DLG2: variants seen among roughly 807,000 people sequenced by gnomAD.
DLG2 encodes disks large homolog 2.
Under a neutral mutation model 132.5 loss-of-function variants are expected in DLG2, and 45 were observed. That is an observed-to-expected ratio of 0.34 (90% CI 0.27 to 0.44). DLG2 has a LOEUF of 0.44. Among genes scored for constraint, DLG2 ranks in the 20% least tolerant of loss-of-function variants. The pLI is 1.00. For missense variants in DLG2, 1,045 were observed against 1,196.9 expected (o/e 0.87, Z 1.87); for synonymous variants, 424 against 419.6 (o/e 1.01, Z -0.13).
chr11:84,113,546 T>C (rs2093471399), intron 9 of DLG2, among the ~76,000 whole-genome samples: 1 of 152,192 alleles, frequency 6.6e-6, no homozygotes, highest in African/African-American at 2.4e-5. Flanking sequence ...ACATTAGAAT[T>C]TGGAAACTTT....
intron 3 of DLG2, among the ~76,000 whole-genome samples, chr11:85,501,298 C>T (rs2093796944): frequency 6.6e-6 from 1 of 152,150 alleles, no homozygotes; most frequent in African/African-American, 2.4e-5. Flanking sequence ...AAACATAAGA[C>T]CTAGGACCAT....
intron 7 of DLG2, among the ~76,000 whole-genome samples, chr11:84,363,036 G>A (rs1254492549): frequency 6.6e-6 from 1 of 150,688 alleles, no homozygotes; most frequent in Non-Finnish European, 1.5e-5. Flanking sequence ...GTAATGGGAT[G>A]GCTGGGTCAA....
chr11:84,081,766 C>T (rs530914611), intron 10 of DLG2, among the ~76,000 whole-genome samples: 2 of 152,282 alleles, frequency 1.3e-5, no homozygotes, highest in Non-Finnish European at 2.9e-5. Context: ...GTGAATAGTG[C>T]CGCAATAAAC....
rs1162562595 is a variant in DLG2 at position 85,561,331 on chromosome 11, CAAAAAAAAAAAAAAAAA to C, written c.40+37309_40+37325del. ...TAGGTGACAGAGCAAGACCCTATCT[CAAAAAAAAAAAAAAAAA>C]AAAAAAAAAAAAAAAAAAAATAGCT... On this transcript the variant is annotated intron_variant, in intron 3 of 27. Coordinates refer to ENST00000376104, the MANE Select transcript of DLG2 (RefSeq NM_001142699.3). Among the ~76,000 whole-genome samples the C allele has an allele frequency of 2.5e-3, 31 of 12,514 alleles. 1 individual carries two copies. In the East Asian group the frequency reaches 0.025, roughly 10 times the overall value. 8.2% of individuals were successfully genotyped at this position (12,514 alleles called of 152,430 possible).
At chr11:84,000,446 T>A (rs867301326) in intron 11 of DLG2, among the ~76,000 whole-genome samples, 1 of 151,886 alleles carries the variant, frequency 6.6e-6, no homozygotes. Context: ...TTAGAAAAAC[T>A]ATTTAACATA....
intron 3 of DLG2, among the ~76,000 whole-genome samples, chr11:85,348,905 TAACATGC>T (rs1159922045): frequency 6.6e-6 from 1 of 152,174 alleles, no homozygotes; most frequent in Non-Finnish European, 1.5e-5. Flanking sequence ...GTATTCTTTC[TAACATGC>T]AAATTTGATT....
chr11:83,675,778 C>A (rs558090362), intron 18 of DLG2, among the ~76,000 whole-genome samples: 1 of 152,274 alleles, frequency 6.6e-6, no homozygotes, highest in South Asian at 2.1e-4. Flanking sequence ...ACGAGTTGAA[C>A]AATTACTTCA....
chr11:84,903,014 A>G (rs895375325), intron 6 of DLG2, among the ~76,000 whole-genome samples: 1 of 151,270 alleles, frequency 6.6e-6, no homozygotes, highest in Admixed American at 6.6e-5. Flanking sequence ...CTGAAGCATT[A>G]CAATAGCTTC....
chr11:83,462,641 G>A (rs947079966), intron 26 of DLG2, among the ~76,000 whole-genome samples: 4 of 152,026 alleles, frequency 2.6e-5, no homozygotes, highest in African/African-American at 9.7e-5. Flanking sequence ...CTGGTTAAGG[G>A]GTATAAAATG....
chr11:84,646,220 A>T (rs1353477355), intron 6 of DLG2, among the ~76,000 whole-genome samples: 1 of 152,228 alleles, frequency 6.6e-6, no homozygotes, highest in Non-Finnish European at 1.5e-5. Context: ...GATGGAAGAA[A>T]ATAATCCCTT....
intron 6 of DLG2, among the ~76,000 whole-genome samples, chr11:84,946,961 T>A (rs1250811792): frequency 6.6e-6 from 1 of 152,138 alleles, no homozygotes; most frequent in African/African-American, 2.4e-5. Context: ...TGCCAGCCAA[T>A]TTTTGCTCTG....
chr11:84,399,020 T>C (rs1417782339), intron 7 of DLG2, among the ~76,000 whole-genome samples: 1 of 152,172 alleles, frequency 6.6e-6, no homozygotes, highest in African/African-American at 2.4e-5. Flanking sequence ...ATAGTATATA[T>C]AAGAAAATTT....
At chr11:85,372,409 A>G (rs1477464097) in intron 3 of DLG2, among the ~76,000 whole-genome samples, 1 of 152,196 alleles carries the variant, frequency 6.6e-6, no homozygotes. Context: ...CCTTTGGTTT[A>G]TGATAAGGAG....
intron 6 of DLG2, among the ~76,000 whole-genome samples, chr11:84,755,527 C>T (rs550436663): frequency 1.5e-3 from 224 of 152,290 alleles, no homozygotes; most frequent in African/African-American, 5.2e-3. Flanking sequence ...GGGTTCAAGA[C>T]ATTCTCCTGC....
At chr11:85,370,212 A>G (rs1444818488) in intron 3 of DLG2, among the ~76,000 whole-genome samples, 1 of 152,216 alleles carries the variant, frequency 6.6e-6, no homozygotes, top group Non-Finnish European at 1.5e-5. Context: ...CCTTAAAGTT[A>G]AAAATGCCTA....
At chr11:84,306,224 A>C (rs538588012) in intron 7 of DLG2, among the ~76,000 whole-genome samples, 1 of 152,210 alleles carries the variant, frequency 6.6e-6, no homozygotes, top group East Asian at 1.9e-4. Context: ...CAATGTATAC[A>C]TGCATTGAAA....
At chr11:84,154,574 G>A (rs902165617) in intron 9 of DLG2, among the ~76,000 whole-genome samples, 1 of 152,146 alleles carries the variant, frequency 6.6e-6, no homozygotes, top group Non-Finnish European at 1.5e-5. Context: ...ATGTATACAT[G>A]TGCTGTGTTG....
chr11:84,220,095 G>A (rs1430048023), intron 8 of DLG2, among the ~76,000 whole-genome samples: 1 of 152,100 alleles, frequency 6.6e-6, no homozygotes, highest in African/African-American at 2.4e-5. Context: ...TTCCCTCTAT[G>A]GACTTTCCAC....
chr11:85,570,490 CT>C (rs1480905581), intron 3 of DLG2, among the ~76,000 whole-genome samples: 1 of 152,010 alleles, frequency 6.6e-6, no homozygotes, highest in Non-Finnish European at 1.5e-5. Flanking sequence ...TAATGAGTTG[CT>C]TCTCTCTTTC....
Sources: allele counts gnomAD v4.1 joint callset (sites outside exome capture counted in the v4.1 genomes callset), GRCh38; gene constraint gnomAD v4.1.1; transcripts MANE v1.5; gene names NCBI Gene and HGNC (gene_info 2026-07-23, HGNC 2026-07-21).